The following AACS variants were observed in gnomAD, a reference collection of about 807,000 sequenced individuals.
AACS encodes the protein acetoacetyl-CoA synthetase.
In AACS, 69 loss-of-function variants were observed where a neutral mutation model predicts 83.1. That is an observed-to-expected ratio of 0.83 (90% CI 0.68 to 1.01). The LOEUF is 1.01. Ranked by LOEUF, AACS falls within the 50% of genes least tolerant of loss-of-function variation. AACS has a pLI of 0.00. For synonymous variants in AACS, 333 were observed against 343.4 expected, an observed-to-expected ratio of 0.97 and a Z score of 0.33; for missense variants, 866 against 882.2, an observed-to-expected ratio of 0.98 and a Z score of 0.23.
intron 9 of AACS, among the ~76,000 whole-genome samples, chr12:125,116,993 A>G (rs1000018200): frequency 6.6e-6 from 1 of 151,464 alleles, no homozygotes; most frequent in African/African-American, 2.4e-5. Context: ...TGCTCAGGCT[A>G]GAGTGCAGTG....
At chr12:125,077,235 TTTATTA>T in intron 3 of AACS, among the ~76,000 whole-genome samples, 1 of 151,846 alleles carries the variant, frequency 6.6e-6, no homozygotes, top group East Asian at 1.9e-4. Flanking sequence ...CTTTTAAAAA[TTTATTA>T]TTATTTTTAA....
intron 3 of AACS, among the ~76,000 whole-genome samples, chr12:125,080,450 G>A (rs954702578): frequency 5.3e-5 from 8 of 151,064 alleles, no homozygotes; most frequent in African/African-American, 2.0e-4. Flanking sequence ...TGTCTGGGTG[G>A]AGACTGAACT....
rs552007632 is a variant in AACS, at chr12:125,088,903, C to G, written c.472+2460C>G. Among the ~76,000 whole-genome samples the G allele has an allele frequency of 3.9e-5, 6 of 152,264 alleles. No individual in the cohort carries two copies. In the South Asian group the frequency reaches 1.2e-3, roughly 32 times the overall value. On this transcript the variant is annotated intron_variant, in intron 4 of 17. Coordinates refer to ENST00000316519, the MANE Select transcript of AACS (RefSeq NM_023928.5). ...ACTAGGATTTGGGACTTTGAGTTTT[C>G]CAGAAAACACTAGAAAATGATTAAA...
At chr12:125,085,814 CTTAT>C (rs951009529) in intron 3 of AACS, among the ~76,000 whole-genome samples, 2 of 151,694 alleles carry the variant, frequency 1.3e-5, no homozygotes, top group Admixed American at 6.6e-5. Flanking sequence ...GGTAGAAAAT[CTTAT>C]TTATTTATTT....
intron 3 of AACS, among the ~76,000 whole-genome samples, chr12:125,077,579 G>A (rs1956056814): frequency 6.6e-6 from 1 of 151,712 alleles, no homozygotes; most frequent in African/African-American, 2.4e-5. Context: ...AAGACATCTT[G>A]TAATGTAAGA....
chr12:125,107,329 C>T (rs986141802), intron 8 of AACS, 61 bp downstream of exon 8: 246 of 1,588,914 alleles, frequency 1.5e-4, no homozygotes, highest in Non-Finnish European at 2.1e-4. Flanking sequence ...AACAGGGCCT[C>T]CCAGCTGATG....
chr12:125,099,289 A>G (rs1254637064), intron 5 of AACS, among the ~76,000 whole-genome samples: 1 of 152,202 alleles, frequency 6.6e-6, no homozygotes, highest in Non-Finnish European at 1.5e-5. Context: ...GGGATGCTGT[A>G]GCTTACAGAG....
intron 5 of AACS, among the ~76,000 whole-genome samples, chr12:125,092,227 A>C (rs77077345): frequency 0.012 from 1,754 of 152,118 alleles, 41 homozygotes; most frequent in African/African-American, 0.04. Context: ...AGCCATGAGA[A>C]CCTGTTACAG....
intron 7 of AACS, among the ~76,000 whole-genome samples, chr12:125,106,163 T>G (rs558028812): frequency 6.6e-6 from 1 of 152,348 alleles, no homozygotes; most frequent in African/African-American, 2.4e-5. Flanking sequence ...GCAGGCTGCG[T>G]TTAACTGATT....
chr12:125,115,598 T>C (rs1318115172), intron 9 of AACS, among the ~76,000 whole-genome samples: 1 of 152,158 alleles, frequency 6.6e-6, no homozygotes, highest in East Asian at 1.9e-4. Context: ...AGCAGGCACA[T>C]GCCTGACCTG....
intron 14 of AACS, among the ~76,000 whole-genome samples, chr12:125,131,687 AGT>A (rs1491281810): frequency 6.6e-6 from 1 of 151,958 alleles, no homozygotes; most frequent in African/African-American, 2.4e-5. Context: ...GCTGGGGTGC[AGT>A]GGCACGATCT....
chr12:125,114,035 C>T (rs1957002180), intron 8 of AACS, among the ~76,000 whole-genome samples: 1 of 151,918 alleles, frequency 6.6e-6, no homozygotes, highest in African/African-American at 2.4e-5. Context: ...AGTGCCCCAC[C>T]CCCACCACAT....
intron 12 of AACS, 56 bp from the exon 13 acceptor site, chr12:125,128,105 A>G: frequency 1.5e-6 from 2 of 1,362,676 alleles, no homozygotes; most frequent in Non-Finnish European, 2.0e-6. Context: ...TCACTAATTT[A>G]ACACAATTTG....
At chr12:125,125,837 C>G (rs1957238157) in intron 12 of AACS, 1 of 152,120 alleles carries the variant, frequency 6.6e-6, no homozygotes, top group South Asian at 2.1e-4. Flanking sequence ...GTGAAAAAAT[C>G]AGATTGCAGA....
At chr12:125,098,872 C>T (rs923247984) in intron 5 of AACS, among the ~76,000 whole-genome samples, 1 of 152,208 alleles carries the variant, frequency 6.6e-6, no homozygotes, top group Non-Finnish European at 1.5e-5. Flanking sequence ...GTGACTTTCA[C>T]AGATTTTGTG....
intron 1 of AACS, among the ~76,000 whole-genome samples, chr12:125,071,325 C>A (rs930984539): frequency 6.6e-6 from 1 of 152,142 alleles, no homozygotes; most frequent in Non-Finnish European, 1.5e-5. Flanking sequence ...GATCAGCCCT[C>A]TCAGGTTGGA....
At chr12:125,093,971 C>T (rs999142075) in intron 5 of AACS, among the ~76,000 whole-genome samples, 2 of 152,180 alleles carry the variant, frequency 1.3e-5, no homozygotes, top group African/African-American at 4.8e-5. Flanking sequence ...ATGTTCATAG[C>T]GCTTGGTCCC....
intron 5 of AACS, among the ~76,000 whole-genome samples, chr12:125,093,140 C>A (rs1221986703): frequency 6.6e-6 from 1 of 152,198 alleles, no homozygotes; most frequent in Non-Finnish European, 1.5e-5. Flanking sequence ...TTGAACTAGT[C>A]GGGAGATGGG....
At chr12:125,107,061 TG>T in intron 7 of AACS, 59 bp from the exon 8 acceptor site, 2 of 1,606,716 alleles carry the variant, frequency 1.2e-6, no homozygotes, top group East Asian at 4.5e-5. Flanking sequence ...GTGGAATCAG[TG>T]GGTCCGGTCC....
Sources: gnomAD v4.1 joint callset for allele counts (sites outside exome capture counted in the v4.1 genomes callset) on GRCh38, gnomAD v4.1.1 for gene constraint, MANE v1.5 for transcripts, NCBI Gene and HGNC (gene_info 2026-07-23, HGNC 2026-07-21) for gene names.